The following TCF7L2 variants were observed in gnomAD, a reference collection of about 807,000 sequenced individuals.
TCF7L2 encodes the protein transcription factor 7-like 2.
Under a neutral mutation model 77.9 loss-of-function variants are expected in TCF7L2, and 23 were observed. That is an observed-to-expected ratio of 0.30 (90% CI 0.21 to 0.42). The LOEUF is 0.42. TCF7L2 is among the 10% of genes least tolerant of loss of function. TCF7L2 has a pLI of 1.00. For synonymous variants in TCF7L2, 413 were observed against 340.2 expected (o/e 1.21, Z -2.36); for missense variants, 654 against 793.1 (o/e 0.82, Z 2.11).
At chr10:113,055,162 G>T (rs1046819726) in intron 5 of TCF7L2, among the ~76,000 whole-genome samples, 3 of 152,156 alleles carry the variant, frequency 2.0e-5, no homozygotes, top group African/African-American at 7.2e-5. Flanking sequence ...TGGTTTGCTG[G>T]TTTTAATTTT....
At chr10:113,090,801 G>C (rs962807406) in intron 5 of TCF7L2, among the ~76,000 whole-genome samples, 1 of 152,020 alleles carries the variant, frequency 6.6e-6, no homozygotes, top group Admixed American at 6.6e-5. Flanking sequence ...GTAAAGACAG[G>C]GTTTCACCCT....
At chr10:113,003,929 G>C (rs1282154487) in intron 4 of TCF7L2, among the ~76,000 whole-genome samples, 1 of 152,194 alleles carries the variant, frequency 6.6e-6, no homozygotes, top group African/African-American at 2.4e-5. Flanking sequence ...AGCACCTTTT[G>C]AGTGCAGAAC....
intron 4 of TCF7L2, among the ~76,000 whole-genome samples, chr10:113,038,133 G>GA (rs2051684488): frequency 1.3e-5 from 2 of 152,126 alleles, no homozygotes; most frequent in African/African-American, 4.8e-5. Context: ...GGATAACCAA[G>GA]GGGGTTCCTG....
rs753698736 is a variant in TCF7L2, at chr10:113,143,975, G to A, written c.738G>A (p.Ser246=). The change falls in exon 7 of 14, where the codon TCG becomes TCA. Residue 246 remains serine (S), a synonymous_variant. Coordinates refer to ENST00000627217, the MANE Select transcript of TCF7L2 (RefSeq NM_001146274.2). Reference sequence around the variant, plus strand: ...ATATATCCCCGTATTACCCACTATCGCCTGGCACCGTAGGACAAATCCCCC... The same window carrying A: ...ATATATCCCCGTATTACCCACTATCACCTGGCACCGTAGGACAAATCCCCC... The A allele has an allele frequency of 2.5e-5, 40 of 1,614,002 alleles. No individual in the cohort carries two copies. The highest frequency in any genetic ancestry group is 1.6e-4 in the East Asian group (7 of 44,876).
At chr10:113,085,226 A>ATT (rs397702488) in intron 5 of TCF7L2, among the ~76,000 whole-genome samples, 59 of 139,700 alleles carry the variant, frequency 4.2e-4, no homozygotes, top group East Asian at 4.0e-3. Flanking sequence ...ACATCTGGCT[A>ATT]TTTTTTTTTT....
chr10:113,052,034 G>A (rs2054561582), intron 5 of TCF7L2, among the ~76,000 whole-genome samples: 1 of 152,120 alleles, frequency 6.6e-6, no homozygotes, highest in African/African-American at 2.4e-5. Context: ...TTTAAATCAT[G>A]GAAAATTGGT....
intron 4 of TCF7L2, among the ~76,000 whole-genome samples, chr10:112,978,030 G>A (rs59846059): frequency 0.11 from 16,780 of 152,194 alleles, 1,328 homozygotes; most frequent in African/African-American, 0.22. Flanking sequence ...TATGGGCTCT[G>A]CTAAGCCTTG....
At chr10:113,090,819 A>C (rs1233007146) in intron 5 of TCF7L2, among the ~76,000 whole-genome samples, 1 of 152,140 alleles carries the variant, frequency 6.6e-6, no homozygotes, top group African/African-American at 2.4e-5. Context: ...CCTGTTAGCC[A>C]GGATGGTCTC....
chr10:113,049,114 G>A (rs1295217438), intron 5 of TCF7L2, among the ~76,000 whole-genome samples: 1 of 152,050 alleles, frequency 6.6e-6, no homozygotes. Context: ...CAGGTTAGCT[G>A]AGCTGCCCAG....
Position 113,040,137 on chromosome 10 carries a change from T to G in TCF7L2, c.552+11T>G, listed in dbSNP as rs956763685. On this transcript the variant is annotated intron_variant, in intron 5 of 13. Transcript: ENST00000627217. ...CCGGCACACATTGTCGTAAGTAACC[T>G]CCCAGAGATGATGGCTTCCTTTATT... The G allele has an allele frequency of 5.0e-6, 8 of 1,611,464 alleles. No individual in the cohort carries two copies. The African/African-American group carries it at 1.1e-4, about 22-fold the overall frequency.
At chr10:113,114,391 G>A (rs1218153644) in intron 5 of TCF7L2, among the ~76,000 whole-genome samples, 2 of 151,952 alleles carry the variant, frequency 1.3e-5, no homozygotes, top group Admixed American at 6.6e-5. Flanking sequence ...TTTGCATCTC[G>A]ATCAGAAGCT....
chr10:113,058,454 G>A (rs1349178245), intron 5 of TCF7L2, among the ~76,000 whole-genome samples: 1 of 152,122 alleles, frequency 6.6e-6, no homozygotes. Flanking sequence ...TAGATGGTTC[G>A]TTGGAAAATG....
chr10:113,034,057 T>C (rs1348290264), intron 4 of TCF7L2, among the ~76,000 whole-genome samples: 2 of 152,234 alleles, frequency 1.3e-5, no homozygotes, highest in African/African-American at 4.8e-5. Context: ...TATTTGTTTA[T>C]AGAAGATGGG....
intron 5 of TCF7L2, among the ~76,000 whole-genome samples, chr10:113,072,509 C>T (rs1283406933): frequency 1.3e-5 from 2 of 151,974 alleles, no homozygotes; most frequent in Non-Finnish European, 2.9e-5. Flanking sequence ...CGTGTGCCAC[C>T]GCCTCCAGCT....
rs562987071 is a variant in TCF7L2, at chr10:112,959,698, C to G, written c.382-4858C>G. Among the ~76,000 whole-genome samples, 5 of 152,228 alleles carry G rather than the reference C, an allele frequency of 3.3e-5. No homozygotes were observed. The South Asian group carries it at 1.0e-3, about 32-fold the overall frequency. On this transcript the variant is annotated intron_variant, in intron 3 of 13. Transcript: ENST00000627217. ...CCCCCCTTGGTACTTTTTATAAGGG[C>G]AGGCAGTCACCCAAAGTCTTGGTCA...
At chr10:112,970,008 A>G (rs1486183789) in intron 4 of TCF7L2, among the ~76,000 whole-genome samples, 2 of 152,184 alleles carry the variant, frequency 1.3e-5, no homozygotes, top group African/African-American at 4.8e-5. Flanking sequence ...TGGAAGGGCT[A>G]CTTCTGAGCC....
intron 5 of TCF7L2, among the ~76,000 whole-genome samples, chr10:113,108,449 G>T (rs895916720): frequency 6.6e-5 from 10 of 152,276 alleles, no homozygotes; most frequent in African/African-American, 2.4e-4. Context: ...CCATTGTGGG[G>T]GGGAGGGGTG....
At chr10:113,049,112 C>T (rs2053953931) in intron 5 of TCF7L2, among the ~76,000 whole-genome samples, 1 of 152,064 alleles carries the variant, frequency 6.6e-6, no homozygotes, top group South Asian at 2.1e-4. Context: ...AGCAGGTTAG[C>T]TGAGCTGCCC....
At chr10:113,127,966 G>A (rs1258464276) in intron 5 of TCF7L2, among the ~76,000 whole-genome samples, 1 of 145,744 alleles carries the variant, frequency 6.9e-6, no homozygotes, top group Non-Finnish European at 1.5e-5. Flanking sequence ...CACTTTATAA[G>A]TTATTGTTGC....
Sources: allele counts gnomAD v4.1 joint callset (sites outside exome capture counted in the v4.1 genomes callset), GRCh38; gene constraint gnomAD v4.1.1; transcripts MANE v1.5; gene names NCBI Gene and HGNC (gene_info 2026-07-23, HGNC 2026-07-21).